The following AVEN variants were observed in gnomAD, a reference collection of about 807,000 sequenced individuals.
AVEN encodes cell death regulator Aven.
Under a neutral mutation model 38.1 loss-of-function variants are expected in AVEN, and 41 were observed. The observed-to-expected ratio is 1.08, with a 90% CI of 0.84 to 1.40. The LOEUF (loss-of-function observed/expected upper bound fraction) is 1.40, where lower values mean the gene tolerates loss of function less well. AVEN is among the 40% of genes most tolerant of loss of function. The pLI is 0.00. For missense variants in AVEN, 605 were observed against 438.8 expected, an observed-to-expected ratio of 1.38 and a Z score of -3.38; for synonymous variants, 206 against 171.8, an observed-to-expected ratio of 1.20 and a Z score of -1.56.
chr15:34,006,008 A>G (rs1897320815), intron 1 of AVEN, among the ~76,000 whole-genome samples: 1 of 152,134 alleles, frequency 6.6e-6, no homozygotes, highest in Non-Finnish European at 1.5e-5. Flanking sequence ...AATACCAGGA[A>G]CATTCTACAG....
At chr15:33,935,552 A>T (rs543894868) in intron 2 of AVEN, among the ~76,000 whole-genome samples, 6 of 152,212 alleles carry the variant, frequency 3.9e-5, no homozygotes, top group Non-Finnish European at 5.9e-5. Flanking sequence ...GTATATATAT[A>T]TGGCATGATC....
chr15:33,967,358 T>C (rs1400354452), intron 2 of AVEN, among the ~76,000 whole-genome samples: 2 of 152,134 alleles, frequency 1.3e-5, no homozygotes, highest in South Asian at 2.1e-4. Flanking sequence ...GGATATTATA[T>C]GACTCCAGAG....
At chr15:33,885,625 T>C (rs1319500050) in intron 2 of AVEN, 1 of 152,196 alleles carries the variant, frequency 6.6e-6, no homozygotes, top group Admixed American at 6.5e-5. Context: ...TCTCACCAAG[T>C]GTAGGGCCCA....
chr15:33,937,932 C>CAAAAAAAAAAAAAAAA (rs55887919), intron 2 of AVEN, among the ~76,000 whole-genome samples: 1 of 100,854 alleles, frequency 9.9e-6, no homozygotes, highest in Non-Finnish European at 2.1e-5. Flanking sequence ...CCTACTTGAC[C>CAAAAAAAAAAAAAAAA]AAAAAAAAAA....
intron 2 of AVEN, among the ~76,000 whole-genome samples, chr15:33,913,270 G>A (rs368015476): frequency 3.9e-5 from 6 of 152,188 alleles, no homozygotes; most frequent in South Asian, 2.1e-4. Context: ...CCATGCCTAC[G>A]TTCAAACAAG....
chr15:33,951,561 T>TAA (rs77164036), intron 2 of AVEN, among the ~76,000 whole-genome samples: 6 of 94,186 alleles, frequency 6.4e-5, no homozygotes, highest in Non-Finnish European at 1.2e-4. Flanking sequence ...TAAAGTATAA[T>TAA]AAAAAAAAAA....
rs531591924 is a variant in AVEN at position 33,981,246 on chromosome 15, C to T, written c.445+21786G>A. ...AGCGGATGAATTTCATTTCACTTTC[C>T]GCATGCACAGTTTATAACACATAAT... On this transcript the variant is annotated intron_variant, in intron 2 of 5. Transcript: ENST00000306730. Among the ~76,000 whole-genome samples the T allele has an allele frequency of 2.5e-3, 384 of 152,266 alleles. 2 individuals carry two copies. The highest frequency in any genetic ancestry group is 0.024 in the Middle Eastern group (7 of 294).
intron 5 of AVEN, among the ~76,000 whole-genome samples, chr15:34,062,047 T>TC (rs538509614): frequency 3.5e-4 from 54 of 152,252 alleles, no homozygotes; most frequent in Admixed American, 7.8e-4. Context: ...TTCTCAACAA[T>TC]CCATTTTTTT....
chr15:34,062,734 A>G (rs769513293), intron 5 of AVEN: 1 of 1,611,022 alleles, frequency 6.2e-7, no homozygotes, highest in Non-Finnish European at 8.5e-7. Flanking sequence ...GGGGATTCTT[A>G]CCACAATGCA....
chr15:33,857,794 C>G (rs774668559), downstream of AVEN: 40 of 1,613,934 alleles, frequency 2.5e-5, 1 homozygote, highest in South Asian at 4.2e-4. Context: ...TTCTGACTGT[C>G]GGTCTCCTGG....
chr15:33,856,196 CTCTT>C (rs2079640396), downstream of AVEN: 1 of 152,286 alleles, frequency 6.6e-6, no homozygotes, highest in South Asian at 2.1e-4. Flanking sequence ...CAAGTTCTTT[CTCTT>C]TTTTTTCCTA....
At chr15:33,854,792 A>T, downstream of AVEN, 1 of 1,612,660 alleles carries the variant, frequency 6.2e-7, no homozygotes, top group Non-Finnish European at 8.5e-7. Flanking sequence ...CCTGGTATAC[A>T]ACCATGTCAG....
downstream of AVEN, chr15:33,855,847 A>G (rs1264288213): frequency 1.3e-5 from 2 of 152,242 alleles, no homozygotes; most frequent in African/African-American, 2.4e-5. Context: ...GGCTATAACC[A>G]TATTAAAATC....
intron 5 of AVEN, among the ~76,000 whole-genome samples, chr15:34,052,131 TC>T (rs1899944500): frequency 1.3e-5 from 2 of 152,018 alleles, no homozygotes; most frequent in Non-Finnish European, 2.9e-5. Context: ...CAGCAGCACA[TC>T]AAAAAGTTTA....
intron 3 of AVEN, among the ~76,000 whole-genome samples, chr15:33,873,838 G>A (rs779567832): frequency 6.6e-6 from 1 of 152,116 alleles, no homozygotes; most frequent in African/African-American, 2.4e-5. Context: ...TAGTGCCATT[G>A]CAAATCTTTC....
intron 2 of AVEN, 26 bp from the exon 3 acceptor site, chr15:33,876,021 T>G (rs749314882): frequency 1.3e-5 from 20 of 1,575,878 alleles, no homozygotes; most frequent in Admixed American, 3.4e-5. Flanking sequence ...AAAAAAAAAT[T>G]TATGCAAAAG....
At chr15:33,859,463 T>C (rs1397185857) in intron 11 of AVEN, 1 of 1,175,490 alleles carries the variant, frequency 8.5e-7, no homozygotes, top group Non-Finnish European at 1.2e-6. Flanking sequence ...AGAGTTCCCC[T>C]CTCGTGGCTT....
intron 1 of AVEN, among the ~76,000 whole-genome samples, chr15:34,014,517 A>G (rs1249942691): frequency 1.3e-5 from 2 of 152,180 alleles, no homozygotes; most frequent in Non-Finnish European, 2.9e-5. Flanking sequence ...AAACAGCCAC[A>G]AAAGCCTAGG....
chr15:33,932,170 A>G (rs1241245300), intron 2 of AVEN, among the ~76,000 whole-genome samples: 1 of 152,252 alleles, frequency 6.6e-6, no homozygotes, highest in Non-Finnish European at 1.5e-5. Flanking sequence ...AGAACCTTGA[A>G]GAATAAACAC....
Sources: gnomAD v4.1 joint callset for allele counts (sites outside exome capture counted in the v4.1 genomes callset) on GRCh38, gnomAD v4.1.1 for gene constraint, MANE v1.5 for transcripts, NCBI Gene and HGNC (gene_info 2026-07-23, HGNC 2026-07-21) for gene names.